Variants in IGSF21 observed in about 807,000 individuals in gnomAD.
IGSF21 encodes immunoglobulin superfamily member 21.
In IGSF21, 28 loss-of-function variants were observed where a neutral mutation model predicts 46.8. The observed-to-expected ratio is 0.60, with a 90% CI of 0.44 to 0.82. IGSF21 has a LOEUF of 0.82. Among genes scored for constraint, IGSF21 ranks in the 40% least tolerant of loss-of-function variants. The pLI is 0.00. For synonymous variants in IGSF21, 284 were observed against 273.6 expected (o/e 1.04, Z -0.38); for missense variants, 624 against 665.5 (o/e 0.94, Z 0.69).
intron 2 of IGSF21, among the ~76,000 whole-genome samples, chr1:18,280,973 T>C (rs2085153281): frequency 6.6e-6 from 1 of 152,176 alleles, no homozygotes; most frequent in Admixed American, 6.5e-5. Context: ...TTCCACTCCA[T>C]GTCAGCAGCC....
chr1:18,204,954 A>G (rs2087111328), intron 1 of IGSF21, among the ~76,000 whole-genome samples: 1 of 152,232 alleles, frequency 6.6e-6, no homozygotes, highest in Non-Finnish European at 1.5e-5. Flanking sequence ...TTTGTTTAAA[A>G]TAAACTGATG....
At chr1:18,200,307 C>T (rs1430484347) in intron 1 of IGSF21, among the ~76,000 whole-genome samples, 1 of 152,196 alleles carries the variant, frequency 6.6e-6, no homozygotes, top group Non-Finnish European at 1.5e-5. Context: ...ACAGCGCCCC[C>T]CTTTGCTTCC....
chr1:18,257,706 AC>A (rs1259311800), intron 2 of IGSF21, among the ~76,000 whole-genome samples: 3 of 152,196 alleles, frequency 2.0e-5, no homozygotes, highest in Non-Finnish European at 4.4e-5. Flanking sequence ...CCTACTGTGC[AC>A]CAGGTTCAGA....
At chr1:18,167,367 G>A (rs1036693190) in intron 1 of IGSF21, among the ~76,000 whole-genome samples, 3 of 152,182 alleles carry the variant, frequency 2.0e-5, no homozygotes, top group African/African-American at 7.2e-5. Context: ...TTGTACAGAG[G>A]AGGAAACCAA....
At chr1:18,190,631 G>A (rs1265242748) in intron 1 of IGSF21, among the ~76,000 whole-genome samples, 1 of 152,216 alleles carries the variant, frequency 6.6e-6, no homozygotes, top group Non-Finnish European at 1.5e-5. Context: ...GTGGGGGTGA[G>A]TGGTTCCTCC....
intron 1 of IGSF21, among the ~76,000 whole-genome samples, chr1:18,178,300 T>C (rs2086823305): frequency 6.6e-6 from 1 of 152,158 alleles, no homozygotes; most frequent in African/African-American, 2.4e-5. Context: ...GTTCTCCATT[T>C]ACAGAAGAGG....
chr1:18,198,370 ACAT>A (rs1263884393), intron 1 of IGSF21, among the ~76,000 whole-genome samples: 1 of 152,176 alleles, frequency 6.6e-6, no homozygotes, highest in Non-Finnish European at 1.5e-5. Flanking sequence ...GCCGGGACCC[ACAT>A]GGGCCCGTAG....
chr1:18,269,923 A>G (rs967557938), intron 2 of IGSF21, among the ~76,000 whole-genome samples: 2 of 152,076 alleles, frequency 1.3e-5, no homozygotes, highest in Non-Finnish European at 2.9e-5. Context: ...AAACCCAGAG[A>G]CTTTTCCAGT....
intron 4 of IGSF21, among the ~76,000 whole-genome samples, chr1:18,352,962 C>G (rs2085973294): frequency 6.6e-6 from 1 of 152,128 alleles, no homozygotes; most frequent in Non-Finnish European, 1.5e-5. Flanking sequence ...CCCGGGCCCC[C>G]CACCCCTCGC....
At chr1:18,219,899 C>A (rs1243922570) in intron 1 of IGSF21, among the ~76,000 whole-genome samples, 4 of 152,306 alleles carry the variant, frequency 2.6e-5, no homozygotes, top group Middle Eastern at 6.8e-3. Context: ...GAACCACACC[C>A]TCATCTGCTG....
chr1:18,159,653 T>C (rs1278426255), intron 1 of IGSF21, among the ~76,000 whole-genome samples: 5 of 151,870 alleles, frequency 3.3e-5, no homozygotes, highest in Non-Finnish European at 7.4e-5. Context: ...TAAACCTCTT[T>C]TTCTTTATAA....
In IGSF21 at chr1:18,274,707, T is replaced by C. The variant is rs374425582; in HGVS notation, c.184-17159T>C. On this transcript the variant is annotated intron_variant, in intron 2 of 9. Transcript: ENST00000251296. ...GTCAGGCCAAGGAAAGGCCCAGAAA[T>C]CTCTTTCTTGCTTAGAACTAGAATT... 4.6e-5 allele frequency among the ~76,000 whole-genome samples: 7 copies of C among 152,314 alleles called. No individual in the cohort carries two copies. In the East Asian group the frequency reaches 9.6e-4, roughly 21 times the overall value.
chr1:18,263,792 C>T (rs1027555329), intron 2 of IGSF21, among the ~76,000 whole-genome samples: 5 of 152,246 alleles, frequency 3.3e-5, no homozygotes, highest in South Asian at 2.1e-4. Flanking sequence ...GACTCTCACA[C>T]GTATTGCATT....
chr1:18,339,102 T>C (rs1298403946), intron 4 of IGSF21, among the ~76,000 whole-genome samples: 1 of 152,194 alleles, frequency 6.6e-6, no homozygotes, highest in Non-Finnish European at 1.5e-5. Context: ...CGTGCCAGCA[T>C]TGAGCTCAGT....
At chr1:18,302,044 T>A (rs2085366860) in intron 3 of IGSF21, among the ~76,000 whole-genome samples, 1 of 152,108 alleles carries the variant, frequency 6.6e-6, no homozygotes. Context: ...CTGCTCCCCA[T>A]CTTCCCCTGC....
intron 2 of IGSF21, among the ~76,000 whole-genome samples, chr1:18,274,244 C>T (rs2085079107): frequency 6.6e-6 from 1 of 151,402 alleles, no homozygotes; most frequent in Non-Finnish European, 1.5e-5. Flanking sequence ...TATAACCACA[C>T]CTTCTTGCTC....
intron 6 of IGSF21, among the ~76,000 whole-genome samples, chr1:18,371,296 G>A (rs1031276556): frequency 6.6e-6 from 1 of 152,210 alleles, no homozygotes; most frequent in Non-Finnish European, 1.5e-5. Context: ...ATCAGGCTGG[G>A]CACGGTGGCT....
intron 1 of IGSF21, among the ~76,000 whole-genome samples, chr1:18,171,295 G>C (rs1233555432): frequency 6.6e-6 from 1 of 152,250 alleles, no homozygotes; most frequent in East Asian, 1.9e-4. Flanking sequence ...GGGCCTGATG[G>C]GATCCCTGGG....
At chr1:18,278,976 T>C in intron 2 of IGSF21, 1 of 467,368 alleles carries the variant, frequency 2.1e-6, no homozygotes, top group South Asian at 1.6e-5. Flanking sequence ...GAAGAAAACA[T>C]GAAGCTATAG....
Sources: allele counts gnomAD v4.1 joint callset (sites outside exome capture counted in the v4.1 genomes callset), GRCh38; gene constraint gnomAD v4.1.1; transcripts MANE v1.5; gene names NCBI Gene and HGNC (gene_info 2026-07-23, HGNC 2026-07-21).